The following ABCC9 variants were observed in gnomAD, a reference collection of about 807,000 sequenced individuals.
ABCC9 encodes ATP-binding cassette sub-family C member 9.
In ABCC9, 95 loss-of-function variants were observed where a neutral mutation model predicts 188.3. That is an observed-to-expected ratio of 0.50 (90% CI 0.43 to 0.60). The LOEUF is 0.60. ABCC9 is among the 20% of genes least tolerant of loss of function. The pLI, the probability that ABCC9 is intolerant of heterozygous loss-of-function variation, is 0.00. For missense variants in ABCC9, 1,102 were observed against 1,876.3 expected, an observed-to-expected ratio of 0.59 and a Z score of 7.62; for synonymous variants, 659 against 652.7, an observed-to-expected ratio of 1.01 and a Z score of -0.15.
intron 4 of ABCC9, among the ~76,000 whole-genome samples, chr12:21,927,255 C>G (rs908441086): frequency 6.4e-4 from 97 of 152,254 alleles, no homozygotes; most frequent in Admixed American, 5.9e-3. Flanking sequence ...GCATCTCAAC[C>G]CGTGGAAAAC....
intron 13 of ABCC9, among the ~76,000 whole-genome samples, chr12:21,894,743 C>A (rs115427410): frequency 6.6e-6 from 1 of 152,120 alleles, no homozygotes; most frequent in East Asian, 1.9e-4. Context: ...CCCAGTTAGC[C>A]GGGACTACAG....
rs4148662 is a variant in ABCC9, at chr12:21,891,373, ATAGT to A, written c.1802+2655_1802+2658del. Among the ~76,000 whole-genome samples the A allele has an allele frequency of 0.02, 3,089 of 152,288 alleles. 250 individuals carry two copies. In the East Asian group the frequency reaches 0.27, roughly 13 times the overall value. On this transcript the variant is annotated intron_variant, in intron 14 of 39. Transcript: ENST00000261200. ...TTCGAGCATTTTATTATTTTAGATAATAGTTACTTTTCATTATTCTGTTTTGTGA... is the reference window on the plus strand; with the variant it reads ...TTCGAGCATTTTATTATTTTAGATAATACTTTTCATTATTCTGTTTTGTGA...
chr12:21,921,541 C>G (rs1323376139), intron 5 of ABCC9, among the ~76,000 whole-genome samples: 3 of 151,792 alleles, frequency 2.0e-5, no homozygotes, highest in African/African-American at 7.3e-5. Context: ...ACTTTGTTGA[C>G]TTTTTCCTCT....
At chr12:21,850,616 T>C (rs901311166) in intron 24 of ABCC9, among the ~76,000 whole-genome samples, 22 of 152,210 alleles carry the variant, frequency 1.4e-4, no homozygotes, top group African/African-American at 5.3e-4. Context: ...TAATGGACTT[T>C]CTTCCTGGCT....
At chr12:21,925,435 T>C in intron 5 of ABCC9, 2 of 694,910 alleles carry the variant, frequency 2.9e-6, no homozygotes, top group South Asian at 1.5e-5. Context: ...CTTTTCATTA[T>C]GCTAGAAACA....
chr12:21,920,926 C>G (rs539792715), intron 5 of ABCC9, among the ~76,000 whole-genome samples: 71 of 152,106 alleles, frequency 4.7e-4, no homozygotes, highest in Non-Finnish European at 8.5e-4. Context: ...CTAAATAGGA[C>G]TCCATTGTGG....
At chr12:21,875,524 T>C in intron 17 of ABCC9, 130 bp downstream of exon 17, 1 of 690,022 alleles carries the variant, frequency 1.4e-6, no homozygotes, top group South Asian at 1.8e-5. Context: ...GCAAGCACAA[T>C]AGTGCAAATA....
chr12:21,861,189 A>G, intron 20 of ABCC9, 134 bp from the exon 21 acceptor site: 1 of 746,098 alleles, frequency 1.3e-6, no homozygotes, highest in East Asian at 2.7e-5. Context: ...CCTCTGCTCT[A>G]CATTTCTGGA....
chr12:21,887,744 T>C (rs925881796), intron 15 of ABCC9, 82 bp downstream of exon 15: 1 of 948,612 alleles, frequency 1.1e-6, no homozygotes, highest in African/African-American at 1.6e-5. Context: ...TATAATCTCT[T>C]CTAACTCAGT....
At chr12:21,822,916 C>T (rs942880599) in intron 31 of ABCC9, among the ~76,000 whole-genome samples, 2 of 151,660 alleles carry the variant, frequency 1.3e-5, no homozygotes, top group Admixed American at 6.6e-5. Flanking sequence ...TTTGCAAATA[C>T]GTGAGAAGCA....
chr12:21,937,542 C>T (rs1177217482), intron 2 of ABCC9, among the ~76,000 whole-genome samples: 1 of 152,130 alleles, frequency 6.6e-6, no homozygotes, highest in Non-Finnish European at 1.5e-5. Context: ...CTCTCACTTA[C>T]ATGTTAAATG....
At chr12:21,912,761 C>A in intron 8 of ABCC9, 111 bp downstream of exon 8, 2 of 908,932 alleles carry the variant, frequency 2.2e-6, no homozygotes, top group East Asian at 2.9e-5. Flanking sequence ...GCATTCAATT[C>A]TCTGAAAAAA....
rs960064997 is a variant in ABCC9 at position 21,818,200 on chromosome 12, C to T, written c.3721G>A (p.Gly1241Arg). Reference sequence around the variant, plus strand: ...CCTACCAATCCAGAATTCGAAGACCCACTAATGGATGCTATAGATGCAGTG... The same window carrying T: ...CCTACCAATCCAGAATTCGAAGACCTACTAATGGATGCTATAGATGCAGTG... ...VLTASIASIS[G>R]SSNSGLVGLG... The change falls in exon 32 of 40, where the codon GGG becomes AGG. Residue 1241 changes from glycine (G) to arginine (R), a missense_variant. By Grantham distance (125) the Gly-to-Arg change is moderately radical (BLOSUM62 -2). Around this residue, in one of 12 missense-constraint regions of ABCC9, gnomAD observed 143 missense variants for 225.6 expected, o/e 0.63. Coordinates refer to ENST00000261200, the MANE Select transcript of ABCC9 (RefSeq NM_020297.4). 4 of 1,613,806 alleles carry T rather than the reference C, an allele frequency of 2.5e-6. No homozygotes were observed. In the African/African-American group the frequency reaches 5.3e-5, roughly 22 times the overall value.
chr12:21,827,407 G>A (rs1262847396), intron 31 of ABCC9: 1 of 689,644 alleles, frequency 1.5e-6, no homozygotes, highest in African/African-American at 1.9e-5. Context: ...TTCAAGTTCA[G>A]GAAAACCAGA....
Position 21,915,514 on chromosome 12 carries a change from A to ATATATATATTTTTTT in ABCC9, c.816+153_816+154insAAAAAAATATATATA. 5.7e-4 allele frequency among the ~76,000 whole-genome samples: 2 copies of ATATATATATTTTTTT among 3,520 alleles called. 1 individual carries two copies. The highest frequency in any genetic ancestry group is 2.2e-3 in the African/African-American group (2 of 924). The allele number at this position is 3,520 out of a possible 152,430, so 2.3% of individuals were successfully genotyped here. On this transcript the variant is annotated intron_variant, in intron 7 of 39. Coordinates refer to ENST00000261200, the MANE Select transcript of ABCC9 (RefSeq NM_020297.4). ...TGTGTGTGTGTGTATATATATATAT[A>ATATATATATTTTTTT]TTTTTTTTTTTTTTTTGAGACAGAG... is the stretch of plus-strand genomic sequence containing the variant.
chr12:21,893,780 A>C (rs1947280766), intron 14 of ABCC9, among the ~76,000 whole-genome samples: 2 of 152,216 alleles, frequency 1.3e-5, no homozygotes, highest in Non-Finnish European at 2.9e-5. Context: ...TATAAAACTT[A>C]AATGAAGGGA....
rs549677063 is a variant in ABCC9 at position 21,916,801 on chromosome 12, T to G, written c.573+136A>C. 8.3e-6 allele frequency: 6 copies of G among 727,146 alleles called. No homozygotes were observed. The African/African-American group carries it at 1.1e-4, about 13-fold the overall frequency. The allele number at this position is 727,146 out of a possible 1,614,324, so 45.0% of individuals were successfully genotyped here. ...TTAATGGCCTGAATTTAGTGATTAG[T>G]TCAACTTTATATTTATATATATAAA... On this transcript the variant is annotated intron_variant, in intron 6 of 39. Coordinates refer to ENST00000261200, the MANE Select transcript of ABCC9 (RefSeq NM_020297.4).
At chr12:21,906,335 T>A in intron 11 of ABCC9, 47 bp from the exon 12 acceptor site, 2 of 1,545,318 alleles carry the variant, frequency 1.3e-6, no homozygotes, top group Non-Finnish European at 1.8e-6. Context: ...TCCAAGTGAA[T>A]CAGAAAGGCA....
intron 15 of ABCC9, among the ~76,000 whole-genome samples, chr12:21,883,788 T>A (rs1946745489): frequency 6.6e-6 from 1 of 152,118 alleles, no homozygotes; most frequent in Non-Finnish European, 1.5e-5. Context: ...TATAGAATGA[T>A]CTAGTCTATC....
Sources: allele counts gnomAD v4.1 joint callset (sites outside exome capture counted in the v4.1 genomes callset), GRCh38; gene constraint gnomAD v4.1.1; regional missense constraint gnomAD v4.1.1; transcripts MANE v1.5; gene names NCBI Gene and HGNC (gene_info 2026-07-23, HGNC 2026-07-21).